Variants in COP1 observed in about 807,000 individuals in gnomAD.
The protein encoded by COP1 is E3 ubiquitin-protein ligase COP1.
A neutral mutation model predicts 101.3 loss-of-function variants in COP1; 24 were observed. The ratio of observed to expected loss-of-function variants is 0.24; its 90% CI spans 0.17 to 0.33. COP1 has a LOEUF of 0.33. Ranked by LOEUF, COP1 falls within the 10% of genes least tolerant of loss-of-function variation. The probability of loss-of-function intolerance (pLI) is 1.00; values close to 1 mark genes in which losing one functional copy is unlikely to be tolerated. For synonymous variants in COP1, 347 were observed against 341.9 expected, an observed-to-expected ratio of 1.01 and a Z score of -0.17; for missense variants, 663 against 906.2, an observed-to-expected ratio of 0.73 and a Z score of 3.45.
At chr1:176,016,065 A>G (rs564021105) in intron 15 of COP1, among the ~76,000 whole-genome samples, 1 of 152,320 alleles carries the variant, frequency 6.6e-6, no homozygotes, top group African/African-American at 2.4e-5. Context: ...TTGCAAAAGA[A>G]AAATTGAGTT....
chr1:176,158,297 A>T (rs988003740), intron 5 of COP1, among the ~76,000 whole-genome samples: 1 of 152,202 alleles, frequency 6.6e-6, no homozygotes, highest in Non-Finnish European at 1.5e-5. Flanking sequence ...ACTTATATGG[A>T]GTACCTTTCA....
chr1:175,994,178 A>C (rs1235984803), intron 15 of COP1, among the ~76,000 whole-genome samples: 2 of 152,202 alleles, frequency 1.3e-5, no homozygotes, highest in East Asian at 3.8e-4. Flanking sequence ...AAAATACTTT[A>C]CAGACAAACA....
intron 15 of COP1, among the ~76,000 whole-genome samples, chr1:176,014,479 C>G (rs1170055238): frequency 6.6e-6 from 1 of 152,130 alleles, no homozygotes; most frequent in Non-Finnish European, 1.5e-5. Flanking sequence ...AGTCATTACC[C>G]TCAAAACAGG....
intron 11 of COP1, among the ~76,000 whole-genome samples, chr1:176,054,956 C>T (rs952518625): frequency 1.1e-4 from 17 of 152,194 alleles, no homozygotes; most frequent in Admixed American, 1.0e-3. Context: ...GTATGAAGGT[C>T]AATAATGACC....
chr1:176,063,047 GTTTTTTTT>G (rs34464104), intron 11 of COP1, among the ~76,000 whole-genome samples: 11 of 90,590 alleles, frequency 1.2e-4, no homozygotes, highest in Admixed American at 3.3e-4. Flanking sequence ...TTTTGAAAAT[GTTTTTTTT>G]TTTTTTTTTT....
intron 14 of COP1, among the ~76,000 whole-genome samples, chr1:176,039,884 TAAC>T (rs1670217636): frequency 6.6e-6 from 1 of 152,148 alleles, no homozygotes; most frequent in Non-Finnish European, 1.5e-5. Flanking sequence ...GGTGGATCGT[TAAC>T]ATCATATTAC....
chr1:176,146,288 T>C lies in COP1; in HGVS notation c.831+2718A>G, dbSNP rs559528554. ...AGGAAGACTAACATGTTCATTTAAATATATATAACTAACAAACGCTGTTAA... is the reference window on the plus strand; with the variant it reads ...AGGAAGACTAACATGTTCATTTAAACATATATAACTAACAAACGCTGTTAA... On this transcript the variant is annotated intron_variant, in intron 6 of 19. Coordinates refer to ENST00000367669, the MANE Select transcript of COP1 (RefSeq NM_022457.7). Among the ~76,000 whole-genome samples the C allele has an allele frequency of 6.6e-5, 10 of 152,300 alleles. 1 individual carries two copies. In the East Asian group the frequency reaches 1.7e-3, roughly 26 times the overall value.
intron 17 of COP1, 79 bp downstream of exon 17, chr1:175,988,209 A>C: frequency 7.4e-7 from 1 of 1,356,380 alleles, no homozygotes; most frequent in Non-Finnish European, 1.0e-6. Flanking sequence ...TTGACTTAGT[A>C]TTTATTCTAT....
Position 175,955,766 on chromosome 1 carries a change from C to CCACACACACACACACACACACACACA in COP1, c.2134-8553_2134-8528dup, listed in dbSNP as rs60306255. ...AAAGCATGAATCATTTAGAGACAAA[C>CCACACACACACACACACACACACACA]CACACACACACACACACACACACAC... On this transcript the variant is annotated intron_variant, in intron 18 of 19. Coordinates refer to ENST00000367669, the MANE Select transcript of COP1 (RefSeq NM_022457.7). Among the ~76,000 whole-genome samples, 374 of 129,266 alleles carry CCACACACACACACACACACACACACA rather than the reference C, an allele frequency of 2.9e-3. 10 individuals are homozygous for CCACACACACACACACACACACACACA. The highest frequency in any genetic ancestry group is 5.4e-3 in the Admixed American group (67 of 12,340). 84.8% of individuals were successfully genotyped at this position (129,266 alleles called of 152,430 possible). A position where few individuals can be genotyped will look rare whatever the true frequency, so the allele number is the denominator to read the frequency against.
At chr1:176,085,528 G>A (rs1679976843) in intron 10 of COP1, among the ~76,000 whole-genome samples, 1 of 152,038 alleles carries the variant, frequency 6.6e-6, no homozygotes, top group Non-Finnish European at 1.5e-5. Flanking sequence ...ATTCATAGCT[G>A]AATTTCTTTT....
intron 19 of COP1, 152 bp downstream of exon 19, chr1:175,947,043 T>C: frequency 1.5e-6 from 1 of 657,322 alleles, no homozygotes; most frequent in Admixed American, 2.6e-5. Context: ...AAGCTACCTA[T>C]TCTTTTCCCT....
intron 11 of COP1, among the ~76,000 whole-genome samples, chr1:176,051,984 AAAATTTAGAT>A (rs1672651741): frequency 6.6e-6 from 1 of 152,180 alleles, no homozygotes; most frequent in Non-Finnish European, 1.5e-5. Flanking sequence ...ATTGAAGAAA[AAAATTTAGAT>A]AAATTTAGCT....
rs546983221 is a variant in COP1, at chr1:176,190,873, T to C, written c.408-6181A>G. Among the ~76,000 whole-genome samples the C allele has an allele frequency of 2.5e-3, 381 of 151,888 alleles. 2 individuals carry two copies. The highest frequency in any genetic ancestry group is 9.0e-3 in the African/African-American group (372 of 41,360). On this transcript the variant is annotated intron_variant, in intron 1 of 19. Transcript: ENST00000367669. ...AAATGTGTCAACTGTCTTATAGTAG[T>C]ACTGGTTCCAACTAAAAAAAAAATC...
intron 6 of COP1, among the ~76,000 whole-genome samples, chr1:176,140,626 A>C (rs1690527024): frequency 6.6e-6 from 1 of 152,296 alleles, no homozygotes; most frequent in South Asian, 2.1e-4. Context: ...CACTCTGTAA[A>C]CATAACCCCG....
intron 5 of COP1, among the ~76,000 whole-genome samples, chr1:176,155,959 T>C (rs1437990411): frequency 6.6e-6 from 1 of 152,088 alleles, no homozygotes; most frequent in Admixed American, 6.5e-5. Flanking sequence ...ATCAGCCAGA[T>C]GGATGCGAGA....
intron 2 of COP1, among the ~76,000 whole-genome samples, chr1:176,183,074 T>G (rs1367556122): frequency 1.3e-5 from 2 of 152,212 alleles, no homozygotes; most frequent in Non-Finnish European, 2.9e-5. Context: ...TACTTTATTT[T>G]ATAAGAAAGA....
intron 8 of COP1, 120 bp downstream of exon 8, chr1:176,134,890 C>A: frequency 3.1e-6 from 2 of 643,608 alleles, no homozygotes; most frequent in Admixed American, 2.7e-5. Flanking sequence ...ATTTCTAGAT[C>A]ATGACCAAAG....
chr1:176,009,108 C>A (rs139953931), intron 15 of COP1, among the ~76,000 whole-genome samples: 1 of 152,162 alleles, frequency 6.6e-6, no homozygotes. Flanking sequence ...GCTAGGTACA[C>A]GTCAGAGCTT....
At chr1:176,016,060 A>G (rs1665572849) in intron 15 of COP1, among the ~76,000 whole-genome samples, 1 of 152,208 alleles carries the variant, frequency 6.6e-6, no homozygotes, top group Non-Finnish European at 1.5e-5. Context: ...TGGGTTTGCA[A>G]AAGAAAAATT....
Sources: gnomAD v4.1 joint callset for allele counts (sites outside exome capture counted in the v4.1 genomes callset) on GRCh38, gnomAD v4.1.1 for gene constraint, MANE v1.5 for transcripts, NCBI Gene and HGNC (gene_info 2026-07-23, HGNC 2026-07-21) for gene names.